Variants in FLACC1 observed in about 807,000 individuals in gnomAD.
FLACC1 encodes the protein flagellum associated containing coiled-coil domains 1.
A neutral mutation model predicts 62.8 loss-of-function variants in FLACC1; 66 were observed. The observed-to-expected ratio is 1.05, with a 90% confidence interval of 0.86 to 1.29. The LOEUF is 1.29. Ranked by LOEUF, FLACC1 falls within the 50% of genes most tolerant of loss-of-function variation. The probability of loss-of-function intolerance (pLI) is 0.00; values close to 1 mark genes in which losing one functional copy is unlikely to be tolerated. For missense variants in FLACC1, 452 were observed against 489.1 expected, an observed-to-expected ratio of 0.92 and a Z score of 0.71; for synonymous variants, 156 against 161.0, an observed-to-expected ratio of 0.97 and a Z score of 0.24.
chr2:201,315,274 A>G (rs1370394218), intron 9 of FLACC1, among the ~76,000 whole-genome samples: 2 of 152,214 alleles, frequency 1.3e-5, no homozygotes, highest in African/African-American at 2.4e-5. Context: ...TGAATGGGTA[A>G]GAATTCACCA....
chr2:201,328,105 T>C (rs1950528951), intron 9 of FLACC1, among the ~76,000 whole-genome samples: 1 of 152,108 alleles, frequency 6.6e-6, no homozygotes, highest in Non-Finnish European at 1.5e-5. Context: ...AGCTAAGTCA[T>C]GAATATGCAA....
intron 7 of FLACC1, among the ~76,000 whole-genome samples, chr2:201,339,719 T>C (rs1356404167): frequency 6.6e-6 from 1 of 152,168 alleles, no homozygotes; most frequent in Non-Finnish European, 1.5e-5. Context: ...TTTCCAAAGT[T>C]TTTCTTGTTA....
At chr2:201,363,889 C>A in the FLACC1 span, among the ~76,000 whole-genome samples, 1 of 152,194 alleles carries the variant, frequency 6.6e-6, no homozygotes, top group African/African-American at 2.4e-5. Flanking sequence ...TAGTGGCTAC[C>A]CACTGCATTC....
At chr2:201,318,958 G>T (rs955814612) in intron 9 of FLACC1, among the ~76,000 whole-genome samples, 2 of 151,896 alleles carry the variant, frequency 1.3e-5, no homozygotes, top group Non-Finnish European at 2.9e-5. Flanking sequence ...GAGTGGGAAG[G>T]GGGTGAGGGA....
Position 201,288,694 on chromosome 2 carries a change from G to A in FLACC1, c.1230C>T (p.Asp410=), listed in dbSNP as rs750652827. ...ASITVSKDDS[D]TVQDGSKKGQ... The stretch of plus-strand genomic sequence containing the variant: ...CTTTCTTGCTACCATCTTGCACAGT[G>A]TCAGAATCATCCTTAGAAACAGTAA... The change falls in exon 15 of 15, where the codon GAC becomes GAT. Residue 410 remains aspartate, a synonymous_variant. Coordinates refer to ENST00000392257, the MANE Select transcript of FLACC1 (RefSeq NM_001127391.3). The A allele has an allele frequency of 4.3e-6, 7 of 1,614,062 alleles. No homozygotes were observed. The South Asian group carries it at 7.7e-5, about 18-fold the overall frequency.
chr2:201,363,096 A>T, the FLACC1 span, among the ~76,000 whole-genome samples: 1 of 152,126 alleles, frequency 6.6e-6, no homozygotes. Context: ...ACCCTCAGGC[A>T]GAAATCCAGG....
chr2:201,346,650 T>C lies in FLACC1; in HGVS notation c.260A>G (p.Tyr87Cys). The change falls in exon 5 of 15, where the codon TAT (tyrosine) becomes TGT (cysteine). Residue 87 changes from tyrosine to cysteine, a missense_variant. Around this residue, in one of 3 missense-constraint regions of FLACC1, gnomAD observed 147 missense variants for 152.7 expected, o/e 0.96. Transcript: ENST00000392257. The surrounding 1 kb of genome is among the most constrained non-coding windows in gnomAD (Gnocchi z 4.0). ...FYEVINVSPG[Y>C]QLVRNREQIS... ...CTGTTCCCGATTCCGAACAAGTTGATAGCCAGGTGACACGTTGATCACTTC... is the reference window on the plus strand; with the variant it reads ...CTGTTCCCGATTCCGAACAAGTTGACAGCCAGGTGACACGTTGATCACTTC... The C allele has an allele frequency of 1.2e-6, 2 of 1,614,224 alleles. No individual in the cohort carries two copies. Among genetic ancestry groups the C allele is most frequent in the African/African-American group, 1.3e-5 (1 of 75,064 alleles).
rs1258356440 is a variant in FLACC1 at position 201,304,053 on chromosome 2, C to A, written c.879+3466G>T. On this transcript the variant is annotated intron_variant, in intron 11 of 14. Transcript: ENST00000392257. ...GATGCCTTCTCTCACCACTCCTATT[C>A]AACATAGTGTTGGAAGTTCTGGCCA... Among the ~76,000 whole-genome samples, 6 of 152,132 alleles carry A rather than the reference C, an allele frequency of 3.9e-5. No homozygotes were observed. The East Asian group carries it at 1.2e-3, about 29-fold the overall frequency.
At chr2:201,340,847 T>C (rs930987422) in intron 7 of FLACC1, among the ~76,000 whole-genome samples, 3 of 152,210 alleles carry the variant, frequency 2.0e-5, no homozygotes, top group Non-Finnish European at 4.4e-5. Context: ...TTTCTATTTC[T>C]CCCTCAACTG....
At position 201,344,233 on chromosome 2, in the gene FLACC1, T is replaced by C; in HGVS notation, c.399A>G (p.Gln133=). ...RTNIISDLEE[Q]ISELTAIIEQ... ...CAATTATTGCTGTCAGCTCTGAGAT[T>C]TGCTCTTCTAGGTCAGAAATGATGT... Residue 133 remains glutamine, a synonymous_variant, in exon 6 of 15, where the codon CAA becomes CAG. Coordinates refer to ENST00000392257, the MANE Select transcript of FLACC1 (RefSeq NM_001127391.3). The C allele has an allele frequency of 1.2e-6, 2 of 1,613,884 alleles. No homozygotes were observed. Among genetic ancestry groups the C allele is most frequent in the Non-Finnish European group, 1.7e-6 (2 of 1,179,822 alleles).
At chr2:201,354,545 G>A (rs1243925754) in intron 1 of FLACC1, among the ~76,000 whole-genome samples, 1 of 152,136 alleles carries the variant, frequency 6.6e-6, no homozygotes, top group Non-Finnish European at 1.5e-5. Flanking sequence ...ATACTCCACT[G>A]GGTTTGGGGG....
At chr2:201,302,765 G>A (rs888997023) in intron 11 of FLACC1, among the ~76,000 whole-genome samples, 3 of 152,126 alleles carry the variant, frequency 2.0e-5, no homozygotes, top group African/African-American at 4.8e-5. Flanking sequence ...CTAGAACTCA[G>A]GATTAAGAAC....
At chr2:201,305,138 G>A (rs1950076005) in intron 11 of FLACC1, among the ~76,000 whole-genome samples, 1 of 152,216 alleles carries the variant, frequency 6.6e-6, no homozygotes, top group African/African-American at 2.4e-5. Context: ...CCATCAGAGT[G>A]AACATGCAAC....
At chr2:201,301,980 C>T (rs985438824) in intron 11 of FLACC1, among the ~76,000 whole-genome samples, 2 of 152,190 alleles carry the variant, frequency 1.3e-5, no homozygotes, top group African/African-American at 4.8e-5. Context: ...ACTGCAAAAA[C>T]ATGCCAAATT....
rs555013276 is a variant in FLACC1 at position 201,328,393 on chromosome 2, T to G, written c.675+2077A>C. ...TATATAATTTTTACATGTGTTAGCT[T>G]TAGGGTCAAATTTATTTCTTTTTTA... On this transcript the variant is annotated intron_variant, in intron 9 of 14. Transcript: ENST00000392257. Among the ~76,000 whole-genome samples the G allele has an allele frequency of 2.1e-4, 32 of 152,068 alleles. No homozygotes were observed. In the South Asian group the frequency reaches 6.6e-3, roughly 32 times the overall value.
At chr2:201,304,095 G>T (rs1357974255) in intron 11 of FLACC1, among the ~76,000 whole-genome samples, 5 of 152,216 alleles carry the variant, frequency 3.3e-5, no homozygotes, top group Non-Finnish European at 4.4e-5. Flanking sequence ...TGAGGCAGGA[G>T]AAGGAAATAA....
chr2:201,337,504 T>C (rs923155395), intron 7 of FLACC1, among the ~76,000 whole-genome samples: 5 of 152,218 alleles, frequency 3.3e-5, no homozygotes, highest in Admixed American at 2.0e-4. Flanking sequence ...TGTTTATATG[T>C]CTATTTTTAT....
intron 7 of FLACC1, among the ~76,000 whole-genome samples, chr2:201,341,595 A>C (rs1338624854): frequency 1.3e-5 from 2 of 151,436 alleles, no homozygotes; most frequent in Non-Finnish European, 2.9e-5. Flanking sequence ...ATATAGTAAA[A>C]AGTTTACTAG....
At chr2:201,293,554 C>T (rs1259795272) in intron 12 of FLACC1, among the ~76,000 whole-genome samples, 2 of 151,910 alleles carry the variant, frequency 1.3e-5, no homozygotes, top group Non-Finnish European at 2.9e-5. Flanking sequence ...CACTAAATGC[C>T]CACAAGAGAA....
Sources: allele counts gnomAD v4.1 joint callset (sites outside exome capture counted in the v4.1 genomes callset), GRCh38; gene constraint gnomAD v4.1.1; regional missense constraint gnomAD v4.1.1; non-coding constraint Gnocchi (gnomAD v3.1); transcripts MANE v1.5; gene names NCBI Gene and HGNC (gene_info 2026-07-23, HGNC 2026-07-21).